The following NPTN variants were observed in gnomAD, a reference collection of about 807,000 sequenced individuals.
NPTN encodes neuroplastin.
NPTN carries 5 observed loss-of-function variants against 42.7 expected under a neutral mutation model. The ratio of observed to expected loss-of-function variants is 0.12; its 90% CI spans 0.06 to 0.25. NPTN has a LOEUF of 0.25. Among genes scored for constraint, NPTN ranks in the 10% least tolerant of loss-of-function variants. The probability of loss-of-function intolerance (pLI) is 1.00; values close to 1 mark genes in which losing one functional copy is unlikely to be tolerated. For missense variants in NPTN, 307 were observed against 525.4 expected (o/e 0.58, Z 4.06); for synonymous variants, 180 against 201.9 (o/e 0.89, Z 0.92).
intron 1 of NPTN, among the ~76,000 whole-genome samples, chr15:73,625,591 A>G (rs967190972): frequency 1.3e-5 from 2 of 152,172 alleles, no homozygotes; most frequent in African/African-American, 4.8e-5. Context: ...GCAGCCTCCC[A>G]AAGTGCTGGG....
At chr15:73,594,604 G>A (rs192769812) in intron 2 of NPTN, among the ~76,000 whole-genome samples, 16 of 152,346 alleles carry the variant, frequency 1.1e-4, no homozygotes, top group African/African-American at 3.6e-4. Context: ...GCACCAGGAT[G>A]AAGGTGGGGC....
intron 1 of NPTN, among the ~76,000 whole-genome samples, chr15:73,621,901 C>T (rs1336946379): frequency 6.6e-6 from 1 of 152,142 alleles, no homozygotes; most frequent in Non-Finnish European, 1.5e-5. Context: ...GGCACCACTC[C>T]TTGCCTTAGC....
chr15:73,594,763 G>A (rs1363080295), intron 2 of NPTN, among the ~76,000 whole-genome samples: 1 of 152,078 alleles, frequency 6.6e-6, no homozygotes, highest in African/African-American at 2.4e-5. Context: ...TAAAGAACAT[G>A]CTATGGCCAG....
At chr15:73,580,523 T>C (rs948209278) in intron 4 of NPTN, among the ~76,000 whole-genome samples, 2 of 138,652 alleles carry the variant, frequency 1.4e-5, no homozygotes, top group Non-Finnish European at 3.0e-5. Context: ...TATAATATAG[T>C]TATATATGTA....
At chr15:73,563,305 AAGG>A in intron 6 of NPTN, 48 bp from the exon 7 acceptor site, 1 of 1,610,140 alleles carries the variant, frequency 6.2e-7, no homozygotes, top group Non-Finnish European at 8.5e-7. Flanking sequence ...TAAGAGAAGA[AAGG>A]AGAAAACTGT....
At chr15:73,617,614 T>C (rs1377147399) in intron 1 of NPTN, among the ~76,000 whole-genome samples, 1 of 152,236 alleles carries the variant, frequency 6.6e-6, no homozygotes, top group African/African-American at 2.4e-5. Flanking sequence ...GTGGTATATT[T>C]TGAGAGTTCA....
chr15:73,590,641 G>A (rs947195041), intron 3 of NPTN, among the ~76,000 whole-genome samples: 6 of 151,854 alleles, frequency 4.0e-5, no homozygotes, highest in African/African-American at 9.7e-5. Context: ...CGGGTGTGGT[G>A]GTGTGCACCT....
At chr15:73,584,155 C>G (rs1264434925) in intron 4 of NPTN, among the ~76,000 whole-genome samples, 2 of 152,120 alleles carry the variant, frequency 1.3e-5, no homozygotes, top group Non-Finnish European at 2.9e-5. Context: ...GGCTCAACCC[C>G]CTTCTGGGCT....
Position 73,572,605 on chromosome 15 carries a change from T to C in NPTN, c.840+1057A>G, listed in dbSNP as rs1320514545. On this transcript the variant is annotated intron_variant, in intron 5 of 8. Coordinates refer to ENST00000345330, the MANE Select transcript of NPTN (RefSeq NM_012428.4). ...TGTACTAGTAATTGCCCTCAGTACCTTGGGCCTCCTCAGGTTGCCCCAATT... is the reference window on the plus strand; with the variant it reads ...TGTACTAGTAATTGCCCTCAGTACCCTGGGCCTCCTCAGGTTGCCCCAATT... Among the ~76,000 whole-genome samples the C allele has an allele frequency of 2.6e-5, 4 of 152,316 alleles. No homozygotes were observed. The East Asian group carries it at 7.7e-4, about 29-fold the overall frequency.
intron 1 of NPTN, among the ~76,000 whole-genome samples, chr15:73,630,838 G>A (rs1171889698): frequency 6.6e-6 from 1 of 152,192 alleles, no homozygotes; most frequent in African/African-American, 2.4e-5. Flanking sequence ...ATTACCAGCT[G>A]AAAGCTTGAA....
rs559119501 is a variant in NPTN, at chr15:73,581,362, C to G, written c.706+6162G>C. On this transcript the variant is annotated intron_variant, in intron 4 of 8. Transcript: ENST00000345330. ...GACAATACTCTGTGCTTCTCTTTACCCTCTTAGGGGGGCACAGACTAAGTG... is the reference window on the plus strand; with the variant it reads ...GACAATACTCTGTGCTTCTCTTTACGCTCTTAGGGGGGCACAGACTAAGTG... 7.9e-5 allele frequency among the ~76,000 whole-genome samples: 12 copies of G among 152,186 alleles called. No homozygotes were observed. The South Asian group carries it at 2.5e-3, about 32-fold the overall frequency.
intron 1 of NPTN, among the ~76,000 whole-genome samples, chr15:73,605,136 G>C (rs1331386848): frequency 1.3e-5 from 2 of 149,082 alleles, no homozygotes; most frequent in Non-Finnish European, 2.9e-5. Context: ...AACTAGTCCT[G>C]AGTGTTCTAT....
Position 73,567,740 on chromosome 15 carries a change from A to C in NPTN, c.1114+2410T>G, listed in dbSNP as rs865922838. The C allele has an allele frequency of 3.5e-5, 34 of 985,474 alleles. No individual in the cohort carries two copies. In the South Asian group the frequency reaches 1.3e-3, roughly 38 times the overall value. The allele number at this position is 985,474 out of a possible 1,614,324, so 61.0% of individuals were successfully genotyped here. A position where few individuals can be genotyped will look rare whatever the true frequency, so the allele number is the denominator to read the frequency against. On this transcript the variant is annotated intron_variant, in intron 6 of 8. Coordinates refer to ENST00000345330, the MANE Select transcript of NPTN (RefSeq NM_012428.4). ...GACAGAGGAGAAAAACAGAATGGAA[A>C]TACTGGAGCAAGGGCAGGGTGTGAA...
At chr15:73,580,581 ATAC>A (rs1895985616) in intron 4 of NPTN, among the ~76,000 whole-genome samples, 1 of 121,300 alleles carries the variant, frequency 8.2e-6, no homozygotes, top group African/African-American at 3.2e-5. Flanking sequence ...ATATATGTAT[ATAC>A]ATGTTATATA....
chr15:73,632,995 C>A, intron 1 of NPTN, 130 bp downstream of exon 1: 2 of 623,152 alleles, frequency 3.2e-6, no homozygotes, highest in Non-Finnish European at 4.9e-6. Flanking sequence ...TCCTCTCGGA[C>A]CCGCAGCCCC....
chr15:73,595,331 G>C (rs1896784489), intron 2 of NPTN, among the ~76,000 whole-genome samples: 1 of 151,708 alleles, frequency 6.6e-6, no homozygotes, highest in Admixed American at 6.6e-5. Flanking sequence ...AGGCGTGCAG[G>C]GTAAAAATAT....
At chr15:73,613,483 G>T (rs991316527) in intron 1 of NPTN, among the ~76,000 whole-genome samples, 2 of 151,956 alleles carry the variant, frequency 1.3e-5, no homozygotes, top group Non-Finnish European at 2.9e-5. Flanking sequence ...AGTATACAAA[G>T]ATCAATGAAC....
chr15:73,567,273 T>G (rs1188899474), intron 6 of NPTN: 16 of 985,316 alleles, frequency 1.6e-5, no homozygotes, highest in Non-Finnish European at 1.9e-5. Context: ...CATGGGTGTA[T>G]CTTGATAATA....
intron 1 of NPTN, among the ~76,000 whole-genome samples, chr15:73,628,906 A>C (rs1218813586): frequency 1.3e-5 from 2 of 152,200 alleles, no homozygotes; most frequent in African/African-American, 2.4e-5. Flanking sequence ...GATTCCCTTA[A>C]AACAGTCTAA....
Sources: allele counts gnomAD v4.1 joint callset (sites outside exome capture counted in the v4.1 genomes callset), GRCh38; gene constraint gnomAD v4.1.1; transcripts MANE v1.5; gene names NCBI Gene and HGNC (gene_info 2026-07-23, HGNC 2026-07-21).